CADM2: variants seen among roughly 807,000 people sequenced by gnomAD.
The protein encoded by CADM2 is immunoglobulin superfamily member 4D.
In CADM2, 12 loss-of-function variants were observed where a neutral mutation model predicts 49.8. The ratio of observed to expected loss-of-function variants is 0.24; its 90% CI spans 0.15 to 0.39. The LOEUF (loss-of-function observed/expected upper bound fraction) is 0.39. CADM2 is among the 10% of genes least tolerant of loss of function. The pLI, the probability that CADM2 is intolerant of heterozygous loss-of-function variation, is 1.00. For synonymous variants in CADM2, 214 were observed against 175.4 expected (o/e 1.22, Z -1.74); for missense variants, 378 against 492.3 (o/e 0.77, Z 2.20).
intron 1 of CADM2, among the ~76,000 whole-genome samples, chr3:85,060,160 C>A (rs1025910142): frequency 6.6e-6 from 1 of 151,778 alleles, no homozygotes; most frequent in African/African-American, 2.4e-5. Context: ...TATTAGCGTC[C>A]CTCTCTGTCG....
chr3:85,614,720 T>C (rs541502573), intron 1 of CADM2, among the ~76,000 whole-genome samples: 1 of 152,010 alleles, frequency 6.6e-6, no homozygotes, highest in South Asian at 2.1e-4. Flanking sequence ...TCCAAAGTCC[T>C]ACACACATGC....
chr3:85,194,180 G>A (rs2041281150), intron 1 of CADM2, among the ~76,000 whole-genome samples: 1 of 151,968 alleles, frequency 6.6e-6, no homozygotes, highest in South Asian at 2.1e-4. Context: ...AAGTTTTGTT[G>A]CATATGTAAG....
intron 8 of CADM2, among the ~76,000 whole-genome samples, chr3:85,996,633 A>G (rs1176243984): frequency 1.3e-5 from 2 of 152,166 alleles, no homozygotes; most frequent in Non-Finnish European, 2.9e-5. Flanking sequence ...TTAATAATAC[A>G]TAGATAATAC....
chr3:85,313,467 A>G (rs1365782689), intron 1 of CADM2, among the ~76,000 whole-genome samples: 1 of 152,136 alleles, frequency 6.6e-6, no homozygotes, highest in Non-Finnish European at 1.5e-5. Flanking sequence ...TTCTCTTCCT[A>G]AAGGAAGAGA....
intron 1 of CADM2, among the ~76,000 whole-genome samples, chr3:84,974,337 C>A (rs1303049446): frequency 6.6e-6 from 1 of 151,716 alleles, no homozygotes; most frequent in Non-Finnish European, 1.5e-5. Context: ...GTAATATAAT[C>A]CACAGTTAGA....
chr3:85,036,235 T>A (rs2035203094), intron 1 of CADM2, among the ~76,000 whole-genome samples: 1 of 152,160 alleles, frequency 6.6e-6, no homozygotes, highest in African/African-American at 2.4e-5. Flanking sequence ...TCCAACATAA[T>A]GTGCAGCATT....
chr3:85,785,574 C>A (rs2070932760), intron 2 of CADM2, among the ~76,000 whole-genome samples: 1 of 151,962 alleles, frequency 6.6e-6, no homozygotes, highest in South Asian at 2.1e-4. Context: ...TTATCCAATA[C>A]CAAGTTTACC....
intron 1 of CADM2, among the ~76,000 whole-genome samples, chr3:85,640,373 C>T (rs2064671290): frequency 1.3e-5 from 2 of 152,088 alleles, no homozygotes; most frequent in Middle Eastern, 3.4e-3. Context: ...TATAATTAGA[C>T]TCAAAATTTA....
chr3:85,517,531 C>T (rs2106877267), intron 1 of CADM2, among the ~76,000 whole-genome samples: 1 of 152,220 alleles, frequency 6.6e-6, no homozygotes, highest in Non-Finnish European at 1.5e-5. Context: ...GAATCTTAGG[C>T]TGTCAATATC....
At chr3:85,504,332 G>A (rs2107670884) in intron 1 of CADM2, among the ~76,000 whole-genome samples, 1 of 152,288 alleles carries the variant, frequency 6.6e-6, no homozygotes, top group South Asian at 2.1e-4. Context: ...CGGTGTTACA[G>A]CTCATAAAGG....
At chr3:85,239,724 T>C (rs559071058) in intron 1 of CADM2, among the ~76,000 whole-genome samples, 1 of 151,458 alleles carries the variant, frequency 6.6e-6, no homozygotes, top group African/African-American at 2.4e-5. Flanking sequence ...TAAAAATAGA[T>C]GCTGATTTGG....
At chr3:84,960,318 A>T (rs932007668) in intron 1 of CADM2, 6 of 152,200 alleles carry the variant, frequency 3.9e-5, no homozygotes, top group Non-Finnish European at 7.3e-5. Flanking sequence ...AAAAAAGAAA[A>T]GAAAAGAAAA....
At chr3:85,431,205 T>C (rs1348808212) in intron 1 of CADM2, among the ~76,000 whole-genome samples, 2 of 152,126 alleles carry the variant, frequency 1.3e-5, no homozygotes, top group Admixed American at 6.6e-5. Context: ...GTAGGTGTGA[T>C]GTAAGGGCAT....
chr3:85,343,643 AC>A (rs2030198506), intron 1 of CADM2, among the ~76,000 whole-genome samples: 1 of 152,168 alleles, frequency 6.6e-6, no homozygotes, highest in Admixed American at 6.6e-5. Flanking sequence ...TAAAAAGAAA[AC>A]GAGGTTTGAA....
At chr3:85,244,462 A>G (rs1162196824) in intron 1 of CADM2, among the ~76,000 whole-genome samples, 1 of 152,208 alleles carries the variant, frequency 6.6e-6, no homozygotes, top group Non-Finnish European at 1.5e-5. Flanking sequence ...ATAATACCGT[A>G]AAGTTTTATT....
intron 4 of CADM2, 46 bp downstream of exon 4, chr3:85,883,489 T>C: frequency 6.7e-7 from 1 of 1,491,780 alleles, no homozygotes; most frequent in East Asian, 2.3e-5. Context: ...ACCAGAATGA[T>C]ATATATTGCT....
chr3:85,775,186 G>A (rs1395485950), intron 2 of CADM2, among the ~76,000 whole-genome samples: 1 of 151,582 alleles, frequency 6.6e-6, no homozygotes, highest in Non-Finnish European at 1.5e-5. Flanking sequence ...AGAGCAGTAA[G>A]GATTTTTAGT....
At chr3:85,555,037 C>A (rs549242513) in intron 1 of CADM2, among the ~76,000 whole-genome samples, 1 of 148,692 alleles carries the variant, frequency 6.7e-6, no homozygotes, top group African/African-American at 2.4e-5. Context: ...TTTCTAACCA[C>A]TGTATGAGTC....
intron 1 of CADM2, among the ~76,000 whole-genome samples, chr3:85,445,434 A>G (rs1383803704): frequency 6.6e-6 from 1 of 152,124 alleles, no homozygotes; most frequent in Non-Finnish European, 1.5e-5. Flanking sequence ...CATTGTCTGT[A>G]ATGAGATTAA....
Sources: allele counts gnomAD v4.1 joint callset (sites outside exome capture counted in the v4.1 genomes callset), GRCh38; gene constraint gnomAD v4.1.1; transcripts MANE v1.5; gene names NCBI Gene and HGNC (gene_info 2026-07-23, HGNC 2026-07-21).